DENND6A: variants seen among roughly 807,000 people sequenced by gnomAD.
DENND6A encodes the protein DENN domain containing 6A, also known as protein DENND6A.
DENND6A carries 43 observed loss-of-function variants against 95.5 expected under a neutral mutation model. That is an observed-to-expected ratio of 0.45 (90% CI 0.35 to 0.58). The LOEUF is 0.58. DENND6A is among the 20% of genes least tolerant of loss of function. The pLI, the probability that DENND6A is intolerant of heterozygous loss-of-function variation, is 0.00. For synonymous variants in DENND6A, 257 were observed against 260.4 expected (o/e 0.99, Z 0.13); for missense variants, 574 against 736.0 (o/e 0.78, Z 2.55).
intron 9 of DENND6A, 58 bp downstream of exon 9, chr3:57,657,622 T>C: frequency 1.7e-6 from 2 of 1,146,854 alleles, no homozygotes; most frequent in Non-Finnish European, 2.5e-6. Context: ...TTTAAATAAA[T>C]TAACACCACC....
chr3:57,665,264 T>C (rs1292202284), intron 4 of DENND6A, among the ~76,000 whole-genome samples: 2 of 152,192 alleles, frequency 1.3e-5, no homozygotes, highest in Non-Finnish European at 2.9e-5. Context: ...AATATATATG[T>C]ACACTTTAGC....
At position 57,645,731 on chromosome 3, in the gene DENND6A, T is replaced by C; in HGVS notation, c.967A>G (p.Ser323Gly). ...ATAGTGAAATAAGGTCGGAAATCAC[T>C]GAAGTACTTTAATGGAGAAATACAG... Reference protein sequence around the residue: ...VNCISPLKYFSDFRPYFTIHD... With the variant: ...VNCISPLKYFGDFRPYFTIHD... Residue 323 changes from serine (S) to glycine (G), a missense_variant, in exon 11 of 20, where the codon AGT becomes GGT. Ser to Gly is a moderately conservative substitution (Grantham distance 56, BLOSUM62 0). This residue lies in a region of DENND6A where 452 missense variants were observed against 630.9 expected (regional missense o/e 0.72). Coordinates refer to ENST00000311128, the MANE Select transcript of DENND6A (RefSeq NM_152678.3). 2.5e-6 allele frequency: 4 copies of C among 1,613,334 alleles called. No individual in the cohort carries two copies. The African/African-American group carries it at 4.0e-5, about 16-fold the overall frequency.
At chr3:57,662,217 G>T (rs2071437508) in intron 5 of DENND6A, among the ~76,000 whole-genome samples, 1 of 108,276 alleles carries the variant, frequency 9.2e-6, no homozygotes, top group Admixed American at 1.4e-4. Flanking sequence ...TTGAGACAAG[G>T]TCTCACTCTG....
intron 10 of DENND6A, 135 bp downstream of exon 10, chr3:57,646,181 G>A (rs773624222): frequency 2.3e-4 from 288 of 1,246,998 alleles, no homozygotes; most frequent in Non-Finnish European, 2.7e-4. Context: ...CCTTCTGATA[G>A]GGTTTTTGCA....
intron 1 of DENND6A, among the ~76,000 whole-genome samples, chr3:57,676,990 A>T (rs999757191): frequency 1.3e-5 from 2 of 151,950 alleles, no homozygotes; most frequent in Admixed American, 1.3e-4. Flanking sequence ...TGCCCAGTTA[A>T]TTCTTGTATT....
chr3:57,660,095 T>A (rs946581991), intron 7 of DENND6A, among the ~76,000 whole-genome samples: 1 of 152,084 alleles, frequency 6.6e-6, no homozygotes, highest in Non-Finnish European at 1.5e-5. Flanking sequence ...AATATCTCTA[T>A]AATGCCTCAC....
In DENND6A at chr3:57,660,922, A is replaced by T. The variant is rs2071411755; in HGVS notation, c.620-83T>A. On this transcript the variant is annotated intron_variant, in intron 6 of 19. Coordinates refer to ENST00000311128, the MANE Select transcript of DENND6A (RefSeq NM_152678.3). The stretch of plus-strand genomic sequence containing the variant: ...ATGAGGCATTAGAAATAAGAACACT[A>T]CTTTCCATACAGCAGAAAAAATATA... 3 of 1,215,312 alleles carry T rather than the reference A, an allele frequency of 2.5e-6. No homozygotes were observed. In the South Asian group the frequency reaches 5.1e-5, roughly 21 times the overall value. The allele number at this position is 1,215,312 out of a possible 1,614,324, so 75.3% of individuals were successfully genotyped here.
At chr3:57,651,159 C>G (rs1318856385) in intron 9 of DENND6A, among the ~76,000 whole-genome samples, 1 of 152,150 alleles carries the variant, frequency 6.6e-6, no homozygotes, top group East Asian at 1.9e-4. Flanking sequence ...GGTCGACTTA[C>G]AATTTTTAAC....
intron 9 of DENND6A, among the ~76,000 whole-genome samples, chr3:57,654,155 C>T (rs1455482645): frequency 2.0e-5 from 3 of 150,952 alleles, no homozygotes; most frequent in Non-Finnish European, 1.5e-5. Flanking sequence ...CGGGGTTTCA[C>T]CGTGTTAGCC....
At chr3:57,631,750 T>C (rs1420304306) in intron 15 of DENND6A, among the ~76,000 whole-genome samples, 1 of 129,020 alleles carries the variant, frequency 7.8e-6, no homozygotes, top group African/African-American at 3.0e-5. Flanking sequence ...TGAGACGGAG[T>C]CTCACTCTTT....
chr3:57,678,437 T>G (rs1382680382), intron 1 of DENND6A, among the ~76,000 whole-genome samples: 1 of 152,160 alleles, frequency 6.6e-6, no homozygotes, highest in African/African-American at 2.4e-5. Flanking sequence ...AAGATAAGAT[T>G]TTTTTTTCCA....
intron 3 of DENND6A, among the ~76,000 whole-genome samples, chr3:57,668,951 C>A (rs1376250926): frequency 6.6e-6 from 1 of 152,180 alleles, no homozygotes; most frequent in African/African-American, 2.4e-5. Context: ...CGGCTCACTG[C>A]AACCTCAGCA....
chr3:57,677,726 C>T (rs547335561), intron 1 of DENND6A, among the ~76,000 whole-genome samples: 2 of 152,162 alleles, frequency 1.3e-5, no homozygotes, highest in African/African-American at 4.8e-5. Context: ...CCACTACATC[C>T]GGCCTTCCTG....
chr3:57,668,678 A>C (rs2071565384), intron 3 of DENND6A, among the ~76,000 whole-genome samples: 1 of 152,180 alleles, frequency 6.6e-6, no homozygotes, highest in Non-Finnish European at 1.5e-5. Flanking sequence ...AGGGCAAACG[A>C]TTCCAATCTC....
At chr3:57,684,131 GAC>G (rs1165015161) in intron 1 of DENND6A, among the ~76,000 whole-genome samples, 1 of 118,858 alleles carries the variant, frequency 8.4e-6, no homozygotes, top group African/African-American at 3.4e-5. Context: ...CAGCCTGGGT[GAC>G]AGAGTGAGAC....
chr3:57,687,746 A>G (rs1271890974), intron 1 of DENND6A, among the ~76,000 whole-genome samples: 2 of 152,080 alleles, frequency 1.3e-5, no homozygotes, highest in Non-Finnish European at 2.9e-5. Flanking sequence ...CAGCCTGGAC[A>G]ACAAAGCAAG....
chr3:57,676,056 G>C (rs2153416728), intron 1 of DENND6A, among the ~76,000 whole-genome samples: 1 of 152,074 alleles, frequency 6.6e-6, no homozygotes, highest in South Asian at 2.1e-4. Context: ...CTGGATGACA[G>C]GGTGAGACCC....
chr3:57,672,666 C>A lies in DENND6A; in HGVS notation c.238-228G>T, dbSNP rs200719789. On this transcript the variant is annotated intron_variant, in intron 1 of 19. Coordinates refer to ENST00000311128, the MANE Select transcript of DENND6A (RefSeq NM_152678.3). ...GGTGTGGTGGCATGCACCTGTAGTC[C>A]CACCTACTCGGGAGGCTGAGGCAGG... is the stretch of plus-strand genomic sequence containing the variant. Among the ~76,000 whole-genome samples, 52 of 152,036 alleles carry A rather than the reference C, an allele frequency of 3.4e-4. No homozygotes were observed. The East Asian group carries it at 7.9e-3, about 23-fold the overall frequency.
intron 9 of DENND6A, among the ~76,000 whole-genome samples, chr3:57,652,278 T>C (rs1034723482): frequency 1.3e-5 from 2 of 152,074 alleles, no homozygotes; most frequent in Admixed American, 1.3e-4. Flanking sequence ...TTAGCTGCCA[T>C]GTTGTGAGAA....
Sources: gnomAD v4.1 joint callset for allele counts (sites outside exome capture counted in the v4.1 genomes callset) on GRCh38, gnomAD v4.1.1 for gene constraint, gnomAD v4.1.1 regional missense constraint, MANE v1.5 for transcripts, NCBI Gene and HGNC (gene_info 2026-07-23, HGNC 2026-07-21) for gene names.